GCNT1: variants seen among roughly 807,000 people sequenced by gnomAD.
The protein encoded by GCNT1 is glucosaminyl (N-acetyl) transferase 1.
A neutral mutation model predicts 26.2 loss-of-function variants in GCNT1; 16 were observed. The observed-to-expected ratio is 0.61, with a 90% CI of 0.41 to 0.93. The LOEUF is 0.93. Ranked by LOEUF, GCNT1 falls within the 40% of genes least tolerant of loss-of-function variation. The pLI is 0.00. For synonymous variants in GCNT1, 183 were observed against 190.8 expected, an observed-to-expected ratio of 0.96 and a Z score of 0.34; for missense variants, 477 against 526.7, an observed-to-expected ratio of 0.91 and a Z score of 0.92.
chr9:76,444,346 A>T (rs911825099), intron 1 of GCNT1, among the ~76,000 whole-genome samples: 1 of 152,260 alleles, frequency 6.6e-6, no homozygotes, highest in African/African-American at 2.4e-5. Context: ...GCCATACAGA[A>T]GGGCTGTAGA....
chr9:76,454,951 G>A (rs1437648729), upstream of GCNT1, among the ~76,000 whole-genome samples: 3 of 146,228 alleles, frequency 2.1e-5, no homozygotes, highest in Non-Finnish European at 4.5e-5. Context: ...GGGTTCAAGC[G>A]ACTCTCCTGC....
At chr9:76,427,439 C>A (rs1823272664) in intron 1 of GCNT1, among the ~76,000 whole-genome samples, 7 of 152,144 alleles carry the variant, frequency 4.6e-5, no homozygotes, top group Admixed American at 3.9e-4. Context: ...CTCAGCCCCC[C>A]AAAGTGCTGG....
intron 2 of GCNT1, among the ~76,000 whole-genome samples, chr9:76,462,200 T>C (rs1462151142): frequency 6.6e-6 from 1 of 152,060 alleles, no homozygotes; most frequent in Non-Finnish European, 1.5e-5. Flanking sequence ...TTATTTATTC[T>C]AATGAGAAAT....
chr9:76,416,390 G>A (rs1823132982), upstream of GCNT1, among the ~76,000 whole-genome samples: 1 of 152,188 alleles, frequency 6.6e-6, no homozygotes, highest in Admixed American at 6.5e-5. Flanking sequence ...CAAGGACCAG[G>A]ATACCAAGAG....
intron 2 of GCNT1, among the ~76,000 whole-genome samples, chr9:76,469,285 C>G (rs953753730): frequency 7.2e-5 from 11 of 152,194 alleles, no homozygotes; most frequent in Admixed American, 6.5e-4. Flanking sequence ...CTAAGCCTAG[C>G]TGGGAAGGTA....
intron 1 of GCNT1, among the ~76,000 whole-genome samples, chr9:76,421,325 C>T (rs1823187469): frequency 6.6e-6 from 1 of 152,004 alleles, no homozygotes; most frequent in African/African-American, 2.4e-5. Context: ...GTTGGCTGGG[C>T]ACAGTGGCTC....
At chr9:76,446,043 G>A (rs1823572574) in intron 1 of GCNT1, among the ~76,000 whole-genome samples, 1 of 152,118 alleles carries the variant, frequency 6.6e-6, no homozygotes. Flanking sequence ...GTTGGTGAGT[G>A]TGTGGGGGAA....
intron 2 of GCNT1, among the ~76,000 whole-genome samples, chr9:76,475,064 A>G (rs1824222885): frequency 1.3e-5 from 2 of 152,214 alleles, no homozygotes; most frequent in Non-Finnish European, 2.9e-5. Flanking sequence ...GGTGCCCGCC[A>G]CCACGCCCGG....
upstream of GCNT1, among the ~76,000 whole-genome samples, chr9:76,439,223 C>CTT (rs71499153): frequency 0.11 from 13,075 of 119,748 alleles, 885 homozygotes; most frequent in East Asian, 0.15. Flanking sequence ...TTTTCTTTTT[C>CTT]TTTTTTTTTT....
intron 2 of GCNT1, among the ~76,000 whole-genome samples, chr9:76,479,036 T>C (rs1270636760): frequency 2.0e-5 from 3 of 149,742 alleles, no homozygotes; most frequent in African/African-American, 7.4e-5. Flanking sequence ...GGCCCTGGTG[T>C]GTGATGTCCC....
the GCNT1 span, among the ~76,000 whole-genome samples, chr9:76,413,653 G>GTTTTTTTTT: frequency 5.9e-5 from 7 of 118,660 alleles, no homozygotes; most frequent in East Asian, 2.7e-4. Context: ...GTTTTGTTTT[G>GTTTTTTTTT]TTTTTTTTTT....
At chr9:76,424,341 A>C (rs1587403962) in intron 1 of GCNT1, among the ~76,000 whole-genome samples, 1 of 152,182 alleles carries the variant, frequency 6.6e-6, no homozygotes, top group South Asian at 2.1e-4. Context: ...AGTTGTTTCT[A>C]CCTGTAGTGC....
chr9:76,475,061 G>A (rs1037812380), intron 2 of GCNT1, among the ~76,000 whole-genome samples: 4 of 152,164 alleles, frequency 2.6e-5, no homozygotes, highest in Non-Finnish European at 5.9e-5. Context: ...ACAGGTGCCC[G>A]CCACCACGCC....
intron 1 of GCNT1, among the ~76,000 whole-genome samples, chr9:76,422,840 A>C (rs953624056): frequency 6.6e-6 from 1 of 152,244 alleles, no homozygotes; most frequent in East Asian, 1.9e-4. Flanking sequence ...GGCATGAGTC[A>C]CTATGCCTGG....
At chr9:76,444,670 A>G (rs140242203) in intron 1 of GCNT1, among the ~76,000 whole-genome samples, 1 of 152,188 alleles carries the variant, frequency 6.6e-6, no homozygotes, top group Non-Finnish European at 1.5e-5. Flanking sequence ...TAATTTGGAG[A>G]CACCAGATAC....
intron 2 of GCNT1, among the ~76,000 whole-genome samples, chr9:76,488,530 G>A (rs1308881311): frequency 2.6e-5 from 4 of 152,152 alleles, no homozygotes; most frequent in Admixed American, 6.6e-5. Flanking sequence ...TGTTGCTCAG[G>A]GTGGAGTGCA....
upstream of GCNT1, among the ~76,000 whole-genome samples, chr9:76,419,661 AAAAT>A (rs1391653671): frequency 1.3e-5 from 2 of 151,966 alleles, no homozygotes; most frequent in East Asian, 3.8e-4. Context: ...CTGTGTCAAA[AAAAT>A]AAAAAAGAAA....
At chr9:76,429,032 C>T (rs1455891618) in intron 1 of GCNT1, among the ~76,000 whole-genome samples, 1 of 152,062 alleles carries the variant, frequency 6.6e-6, no homozygotes, top group Non-Finnish European at 1.5e-5. Flanking sequence ...TTATTTTAGG[C>T]TCAGGGATAC....
chr9:76,482,401 C>A (rs2131617631), intron 2 of GCNT1, among the ~76,000 whole-genome samples: 1 of 151,114 alleles, frequency 6.6e-6, no homozygotes, highest in South Asian at 2.1e-4. Context: ...GCGGGCGGAT[C>A]ACGAGGTCAG....
Sources: gnomAD v4.1 joint callset for allele counts (sites outside exome capture counted in the v4.1 genomes callset) on GRCh38, gnomAD v4.1.1 for gene constraint, MANE v1.5 for transcripts, NCBI Gene and HGNC (gene_info 2026-07-23, HGNC 2026-07-21) for gene names.